REC114: variants seen among roughly 807,000 people sequenced by gnomAD.
The protein encoded by REC114 is REC114 meiotic recombination protein.
In REC114, 27 loss-of-function variants were observed where a neutral mutation model predicts 31.3. The observed-to-expected ratio is 0.86, with a 90% CI of 0.64 to 1.19. The LOEUF (loss-of-function observed/expected upper bound fraction) is 1.19, where lower values mean the gene tolerates loss of function less well. Ranked by LOEUF, REC114 falls within the 50% of genes most tolerant of loss-of-function variation. The pLI is 0.00. For missense variants in REC114, 344 were observed against 326.9 expected, an observed-to-expected ratio of 1.05 and a Z score of -0.40; for synonymous variants, 134 against 127.7, an observed-to-expected ratio of 1.05 and a Z score of -0.33.
intron 2 of REC114, among the ~76,000 whole-genome samples, chr15:73,505,804 T>C (rs1893668406): frequency 6.6e-6 from 1 of 152,196 alleles, no homozygotes; most frequent in Admixed American, 6.5e-5. Context: ...AGTGCTGGGA[T>C]TACAGGCGTG....
At position 73,559,999 on chromosome 15, in the gene REC114, AGAG is replaced by A; in HGVS notation, c.*84_*86del. 1 of 1,327,782 alleles carries A rather than the reference AGAG, an allele frequency of 7.5e-7. No individual in the cohort carries two copies. The highest frequency in any genetic ancestry group is 1.0e-6 in the Non-Finnish European group (1 of 972,574). 82.3% of individuals were successfully genotyped at this position (1,327,782 alleles called of 1,614,324 possible). On this transcript the variant is annotated 3_prime_UTR_variant, in exon 6 of 6. Coordinates refer to ENST00000331090, the MANE Select transcript of REC114 (RefSeq NM_001042367.2). ...AAAATTAAAGAAGATATTAGAATAA[AGAG>A]TATTATCCAAACACCTTTTATCAAT...
chr15:73,546,441 C>T (rs1198136994), intron 3 of REC114, among the ~76,000 whole-genome samples: 1 of 151,618 alleles, frequency 6.6e-6, no homozygotes, highest in Non-Finnish European at 1.5e-5. Context: ...GGAACAAAGG[C>T]TGGAAATAAC....
chr15:73,514,974 C>T (rs1893838050), intron 2 of REC114, among the ~76,000 whole-genome samples: 1 of 148,844 alleles, frequency 6.7e-6, no homozygotes, highest in African/African-American at 2.5e-5. Context: ...CTCTGTTGCC[C>T]TGTTGCCCAG....
At chr15:73,445,784 G>A (rs1475157512) in intron 1 of REC114, among the ~76,000 whole-genome samples, 1 of 151,982 alleles carries the variant, frequency 6.6e-6, no homozygotes, top group Non-Finnish European at 1.5e-5. Flanking sequence ...CATGGTTTGT[G>A]GCACTCCAGA....
chr15:73,460,260 T>C (rs1892972472), intron 1 of REC114, among the ~76,000 whole-genome samples: 1 of 152,174 alleles, frequency 6.6e-6, no homozygotes, highest in East Asian at 1.9e-4. Context: ...TGAAGTTTTT[T>C]TCAGCTTAGT....
chr15:73,520,476 A>G (rs1440834018), intron 2 of REC114, among the ~76,000 whole-genome samples: 3 of 152,104 alleles, frequency 2.0e-5, no homozygotes, highest in Non-Finnish European at 4.4e-5. Context: ...TGATCCACCC[A>G]CCTTGGCCCC....
At chr15:73,540,397 T>A in intron 2 of REC114, 88 bp from the exon 3 acceptor site, 2 of 964,650 alleles carry the variant, frequency 2.1e-6, no homozygotes, top group Non-Finnish European at 3.4e-6. Flanking sequence ...TAAACAAATA[T>A]ACAACTTTCT....
intron 1 of REC114, among the ~76,000 whole-genome samples, chr15:73,464,895 T>C (rs1450722188): frequency 6.6e-6 from 1 of 152,018 alleles, no homozygotes; most frequent in Admixed American, 6.6e-5. Flanking sequence ...TTTTGTTTGT[T>C]TGTTTGTTTG....
chr15:73,473,768 T>G (rs1893168289), intron 1 of REC114, 64 bp from the exon 2 acceptor site: 2 of 898,982 alleles, frequency 2.2e-6, no homozygotes, highest in East Asian at 5.4e-5. Flanking sequence ...TCATCAGTAT[T>G]GTAAGTTTAT....
chr15:73,559,660 A>C, intron 5 of REC114, 92 bp from the exon 6 acceptor site: 1 of 1,227,794 alleles, frequency 8.1e-7, no homozygotes, highest in Non-Finnish European at 1.1e-6. Flanking sequence ...GTATTTCGCT[A>C]ATCTTTCCTT....
rs367898857 is a variant in REC114, at chr15:73,532,929, C to A, written c.250-7556C>A. ...TTTCAACCCAGAATTTCATATCCAG[C>A]CAAACTAAGCTTCATAAGTGAAGGA... On this transcript the variant is annotated intron_variant, in intron 2 of 5. Coordinates refer to ENST00000331090, the MANE Select transcript of REC114 (RefSeq NM_001042367.2). 1.3e-4 allele frequency among the ~76,000 whole-genome samples: 19 copies of A among 142,500 alleles called. No individual in the cohort carries two copies. In the East Asian group the frequency reaches 3.8e-3, roughly 28 times the overall value. The allele number at this position is 142,500 out of a possible 152,430, so 93.5% of individuals were successfully genotyped here. A position where few individuals can be genotyped will look rare whatever the true frequency, so the allele number is the denominator to read the frequency against.
intron 1 of REC114, among the ~76,000 whole-genome samples, chr15:73,461,079 A>G (rs1214610776): frequency 1.3e-5 from 2 of 152,112 alleles, no homozygotes; most frequent in Non-Finnish European, 2.9e-5. Context: ...TGTAAAAGAA[A>G]AAGTTCTCTA....
At chr15:73,495,527 A>G (rs1893508672) in intron 2 of REC114, among the ~76,000 whole-genome samples, 1 of 151,718 alleles carries the variant, frequency 6.6e-6, no homozygotes, top group Non-Finnish European at 1.5e-5. Context: ...AAAAAAAGCA[A>G]GAGAACTTTT....
intron 2 of REC114, among the ~76,000 whole-genome samples, chr15:73,503,582 T>C (rs1893632505): frequency 6.6e-6 from 1 of 152,130 alleles, no homozygotes; most frequent in African/African-American, 2.4e-5. Context: ...ATTTTATTTT[T>C]CTCTCTACTT....
intron 4 of REC114, among the ~76,000 whole-genome samples, chr15:73,551,548 T>G (rs1482987005): frequency 6.6e-6 from 1 of 152,200 alleles, no homozygotes; most frequent in Non-Finnish European, 1.5e-5. Context: ...CTCATACAGA[T>G]CAGGCAGTGG....
intron 2 of REC114, among the ~76,000 whole-genome samples, chr15:73,500,853 T>C (rs1461898092): frequency 3.3e-5 from 5 of 151,578 alleles, no homozygotes; most frequent in African/African-American, 1.2e-4. Context: ...ATTTTATAAA[T>C]AGCATTTGAT....
chr15:73,508,906 C>T (rs1393246402), intron 2 of REC114, among the ~76,000 whole-genome samples: 29 of 150,914 alleles, frequency 1.9e-4, no homozygotes, highest in African/African-American at 6.1e-4. Flanking sequence ...AATAAACATA[C>T]GTGTGCATGT....
intron 2 of REC114, among the ~76,000 whole-genome samples, chr15:73,476,478 A>G (rs923305405): frequency 9.2e-5 from 14 of 152,200 alleles, no homozygotes; most frequent in Non-Finnish European, 2.1e-4. Flanking sequence ...TTTTGTTTAT[A>G]TATATCTTTA....
At chr15:73,500,731 T>G (rs983716443) in intron 2 of REC114, among the ~76,000 whole-genome samples, 4 of 144,944 alleles carry the variant, frequency 2.8e-5, no homozygotes, top group Non-Finnish European at 6.0e-5. Flanking sequence ...AATTATTGTT[T>G]TTTTTTTTTT....
Sources: allele counts gnomAD v4.1 joint callset (sites outside exome capture counted in the v4.1 genomes callset), GRCh38; gene constraint gnomAD v4.1.1; transcripts MANE v1.5; gene names NCBI Gene and HGNC (gene_info 2026-07-23, HGNC 2026-07-21).